The following DMD variants were observed in gnomAD, a reference collection of about 807,000 sequenced individuals.
DMD encodes dystrophin, also known as mutant dystrophin.
Under a neutral mutation model 330.1 loss-of-function variants are expected in DMD, and 63 were observed. The ratio of observed to expected loss-of-function variants is 0.19; its 90% CI spans 0.16 to 0.24. The LOEUF (loss-of-function observed/expected upper bound fraction) is 0.24, where lower values mean the gene tolerates loss of function less well. DMD is among the 10% of genes least tolerant of loss of function. The probability of loss-of-function intolerance (pLI) is 1.00; values close to 1 mark genes in which losing one functional copy is unlikely to be tolerated. For synonymous variants in DMD, 1,223 were observed against 959.8 expected (o/e 1.27, Z -5.07); for missense variants, 3,344 against 2,684.1 (o/e 1.25, Z -5.43).
chrX:32,009,064 G>A (rs1413069943), intron 44 of DMD, among the ~76,000 whole-genome samples: 1 of 111,344 alleles, frequency 9.0e-6, no homozygotes, highest in East Asian at 2.8e-4. Context: ...TGGTAATGGG[G>A]AGATGGGAAG....
chrX:31,713,749 A>T (rs1390986608), intron 52 of DMD, among the ~76,000 whole-genome samples: 1 of 111,874 alleles, frequency 8.9e-6, no homozygotes, highest in Non-Finnish European at 1.9e-5. Context: ...CTGTAATGAA[A>T]GAGGCTGTAT....
chrX:31,391,572 A>C (rs1034333394), intron 60 of DMD, among the ~76,000 whole-genome samples: 1 of 111,058 alleles, frequency 9.0e-6, no homozygotes, highest in African/African-American at 3.3e-5. Flanking sequence ...AAGGTCCTTG[A>C]ACTAAAAGGC....
At chrX:32,454,891 T>C (rs1017834470) in intron 25 of DMD, 59 bp from the exon 26 acceptor site, 2 of 1,140,542 alleles carry the variant, frequency 1.8e-6, no homozygotes, top group Non-Finnish European at 2.4e-6. Flanking sequence ...ATTATTATTA[T>C]ATTATTTCAT....
intron 11 of DMD, among the ~76,000 whole-genome samples, chrX:32,636,509 G>T (rs1242456799): frequency 8.9e-6 from 1 of 111,910 alleles, no homozygotes; most frequent in Non-Finnish European, 1.9e-5. Context: ...TGAGAAAATC[G>T]AAAATGTGTC....
At chrX:32,490,039 T>G (rs1333616024) in intron 20 of DMD, among the ~76,000 whole-genome samples, 1 of 112,255 alleles carries the variant, frequency 8.9e-6, no homozygotes, top group Non-Finnish European at 1.9e-5. Flanking sequence ...TGAAGAACCA[T>G]TAAGTCCTTC....
At chrX:31,339,486 G>C (rs755288243) in intron 61 of DMD, among the ~76,000 whole-genome samples, 20 of 111,829 alleles carry the variant, frequency 1.8e-4, no homozygotes, top group Non-Finnish European at 3.6e-4. Context: ...TTCACCCTGA[G>C]ATTTTACTTG....
At chrX:32,237,669 G>A (rs964547226) in intron 43 of DMD, among the ~76,000 whole-genome samples, 3 of 111,874 alleles carry the variant, frequency 2.7e-5, no homozygotes, top group Non-Finnish European at 5.6e-5. Context: ...AAATGAAAAT[G>A]ACATATATCA....
intron 19 of DMD, among the ~76,000 whole-genome samples, chrX:32,493,084 G>T (rs1283411447): frequency 9.0e-6 from 1 of 111,569 alleles, no homozygotes; most frequent in East Asian, 2.8e-4. Flanking sequence ...TAAGGCCTGT[G>T]GTTTTGCTAA....
intron 12 of DMD, among the ~76,000 whole-genome samples, chrX:32,603,657 GAGATGAT>G (rs1268018837): frequency 1.8e-5 from 2 of 111,287 alleles, no homozygotes; most frequent in Non-Finnish European, 3.8e-5. Context: ...AGCAAAGTCA[GAGATGAT>G]AGATGTGACG....
At chrX:32,450,182 T>C (rs1399312546) in intron 26 of DMD, among the ~76,000 whole-genome samples, 1 of 110,678 alleles carries the variant, frequency 9.0e-6, no homozygotes, top group Non-Finnish European at 1.9e-5. Flanking sequence ...AATGTAGAAG[T>C]TGGGCCTGCA....
intron 67 of DMD, among the ~76,000 whole-genome samples, chrX:31,202,850 C>A (rs1212597693): frequency 8.9e-6 from 1 of 112,362 alleles, no homozygotes; most frequent in Non-Finnish European, 1.9e-5. Flanking sequence ...ACAATTAGAA[C>A]AACTTTTGAA....
In DMD at chrX:33,051,646, A is replaced by ATTTTTTTTTTTTTTTTTTTTTTTTT. The variant is rs754035822; in HGVS notation, c.32-31447_32-31446insAAAAAAAAAAAAAAAAAAAAAAAAA. Among the ~76,000 whole-genome samples, 14 of 71,924 alleles carry ATTTTTTTTTTTTTTTTTTTTTTTTT rather than the reference A, an allele frequency of 1.9e-4. 3 individuals are homozygous for ATTTTTTTTTTTTTTTTTTTTTTTTT. The highest frequency in any genetic ancestry group is 7.8e-4 in the African/African-American group (12 of 15,373). The allele number at this position is 71,924 out of a possible 115,157, so 62.5% of individuals were successfully genotyped here. A position where few individuals can be genotyped will look rare whatever the true frequency, so the allele number is the denominator to read the frequency against. ...TAAGGAAAATATATAATTACGCTCT[A>ATTTTTTTTTTTTTTTTTTTTTTTTT]TTTTTTTTTTTTTTTTTTTGAGACG... On this transcript the variant is annotated intron_variant, in intron 1 of 78. Coordinates refer to ENST00000357033, the MANE Select transcript of DMD (RefSeq NM_004006.3).
intron 48 of DMD, among the ~76,000 whole-genome samples, chrX:31,870,670 A>G (rs1055563154): frequency 8.9e-6 from 1 of 112,251 alleles, no homozygotes; most frequent in Admixed American, 9.5e-5. Context: ...CACAGTGTTC[A>G]GTGACTTTAA....
At chrX:32,724,006 T>C (rs1193138428) in intron 7 of DMD, among the ~76,000 whole-genome samples, 4 of 111,879 alleles carry the variant, frequency 3.6e-5, no homozygotes, top group African/African-American at 6.5e-5. Flanking sequence ...TTGCCTTAAG[T>C]ACATCCAGTA....
intron 1 of DMD, among the ~76,000 whole-genome samples, chrX:33,245,164 A>C (rs1440104293): frequency 9.0e-6 from 1 of 111,491 alleles, no homozygotes; most frequent in African/African-American, 3.3e-5. Flanking sequence ...TTTTAAATAT[A>C]GACATTTTTG....
chrX:31,245,403 A>AT (rs1345192780), intron 63 of DMD, among the ~76,000 whole-genome samples: 2 of 111,541 alleles, frequency 1.8e-5, no homozygotes, highest in African/African-American at 6.5e-5. Context: ...ATGAACAATT[A>AT]TTTTTTCAGA....
In DMD at chrX:32,824,902, AGCATCATCATCT is replaced by A. The variant is rs770680871; in HGVS notation, c.265-1527_265-1516del. On this transcript the variant is annotated intron_variant, in intron 4 of 78. Transcript: ENST00000357033. ...GAGATTGATCATTCAAGAATAAGAA[AGCATCATCATCT>A]GCATCATCATCTGGGGATTCCTCAT... 2.7e-5 allele frequency among the ~76,000 whole-genome samples: 3 copies of A among 111,594 alleles called. No individual in the cohort carries two copies. The South Asian group carries it at 1.1e-3, about 42-fold the overall frequency.
rs773582875 is a variant in DMD, at chrX:33,288,006, C to T, written c.7+51253G>A. Among the ~76,000 whole-genome samples the T allele has an allele frequency of 2.7e-5, 3 of 111,586 alleles. No homozygotes were observed. The Admixed American group carries it at 2.9e-4, about 11-fold the overall frequency. On this transcript the variant is annotated intron_variant, in intron 1 of 17. Coordinates refer to the DMD transcript ENST00000288447. ...CCCCGCAAAAGTGAAAGAGCCTCCT[C>T]GAGGTGAATGGCTTTCCAGCCTTCT...
chrX:31,696,170 A>G (rs757592737), intron 52 of DMD, among the ~76,000 whole-genome samples: 47 of 111,784 alleles, frequency 4.2e-4, no homozygotes, highest in Non-Finnish European at 3.4e-4. Context: ...CATGTACTAG[A>G]CTGTTGATAG....
Sources: gnomAD v4.1 joint callset for allele counts (sites outside exome capture counted in the v4.1 genomes callset) on GRCh38, gnomAD v4.1.1 for gene constraint, MANE v1.5 for transcripts, NCBI Gene and HGNC (gene_info 2026-07-23, HGNC 2026-07-21) for gene names.